TMEM132D: variants seen among roughly 807,000 people sequenced by gnomAD.
The protein encoded by TMEM132D is mature OL transmembrane protein.
A neutral mutation model predicts 62.3 loss-of-function variants in TMEM132D; 21 were observed. That is an observed-to-expected ratio of 0.34 (90% CI 0.24 to 0.49). TMEM132D has a LOEUF of 0.49. Among genes scored for constraint, TMEM132D ranks in the 20% least tolerant of loss-of-function variants. The probability of loss-of-function intolerance (pLI) is 0.99; values close to 1 mark genes in which losing one functional copy is unlikely to be tolerated. For synonymous variants in TMEM132D, 621 were observed against 575.6 expected (o/e 1.08, Z -1.13); for missense variants, 1,346 against 1,402.8 (o/e 0.96, Z 0.65).
rs916965622 is a variant in TMEM132D at position 129,430,783 on chromosome 12, C to A, written c.1116-92966G>T. On this transcript the variant is annotated intron_variant, in intron 3 of 8. Coordinates refer to ENST00000422113, the MANE Select transcript of TMEM132D (RefSeq NM_133448.3). ...CCTGCGCCTCAGACTTCCCCAGTTGCCAATAATTGCAGTCGATGGGATGGA... is the reference window on the plus strand; with the variant it reads ...CCTGCGCCTCAGACTTCCCCAGTTGACAATAATTGCAGTCGATGGGATGGA... 2.0e-5 allele frequency among the ~76,000 whole-genome samples: 3 copies of A among 152,134 alleles called. No homozygotes were observed. The East Asian group carries it at 5.8e-4, about 29-fold the overall frequency.
chr12:129,522,657 C>T (rs1014687900), intron 3 of TMEM132D: 1 of 152,112 alleles, frequency 6.6e-6, no homozygotes, highest in African/African-American at 2.4e-5. Context: ...TCAAAAACAT[C>T]GAAGACTATT....
In TMEM132D at chr12:129,073,806, A is replaced by G; in HGVS notation, c.*69T>C. On this transcript the variant is annotated 3_prime_UTR_variant, in exon 9 of 9. Transcript: ENST00000422113. ...GCTGCTTTGTTTCTCTTCCGGGGGC[A>G]CCGTTGCTACACATCCTGGAATTAA... is the stretch of plus-strand genomic sequence containing the variant. 7.5e-7 allele frequency: 1 copy of G among 1,340,170 alleles called. No individual in the cohort carries two copies. The highest frequency in any genetic ancestry group is 1.4e-5 in the South Asian group (1 of 69,232). The allele number at this position is 1,340,170 out of a possible 1,614,324, so 83.0% of individuals were successfully genotyped here.
intron 4 of TMEM132D, among the ~76,000 whole-genome samples, chr12:129,287,055 A>C (rs917713564): frequency 2.0e-5 from 3 of 151,948 alleles, no homozygotes; most frequent in African/African-American, 7.3e-5. Context: ...CAAAAAAAAA[A>C]AAGGGAGAAA....
At chr12:129,106,210 T>C (rs1415228996) in intron 5 of TMEM132D, among the ~76,000 whole-genome samples, 1 of 145,846 alleles carries the variant, frequency 6.9e-6, no homozygotes, top group Non-Finnish European at 1.5e-5. Flanking sequence ...AGGTGGGAAT[T>C]GAACAATGAG....
chr12:129,842,780 T>C (rs1009574858), intron 1 of TMEM132D, among the ~76,000 whole-genome samples: 2 of 152,162 alleles, frequency 1.3e-5, no homozygotes, highest in African/African-American at 4.8e-5. Flanking sequence ...TGCTGGTGTA[T>C]CTTTAATTTC....
chr12:129,127,472 A>C (rs1876249031), intron 5 of TMEM132D, among the ~76,000 whole-genome samples: 1 of 152,156 alleles, frequency 6.6e-6, no homozygotes, highest in Admixed American at 6.5e-5. Context: ...CCAAGAGCCA[A>C]ATTTTGTTCT....
chr12:129,373,916 G>T (rs190867155), intron 3 of TMEM132D, among the ~76,000 whole-genome samples: 172 of 152,288 alleles, frequency 1.1e-3, no homozygotes, highest in African/African-American at 3.9e-3. Context: ...GGGCAGAAAA[G>T]CTACGTGGTG....
intron 5 of TMEM132D, among the ~76,000 whole-genome samples, chr12:129,190,788 G>C (rs1232025012): frequency 1.3e-5 from 2 of 152,148 alleles, no homozygotes; most frequent in Non-Finnish European, 2.9e-5. Context: ...GTTGTTTTAA[G>C]CCACTAAATT....
At chr12:129,404,678 G>A (rs1871726026) in intron 3 of TMEM132D, among the ~76,000 whole-genome samples, 2 of 152,112 alleles carry the variant, frequency 1.3e-5, no homozygotes, top group Non-Finnish European at 2.9e-5. Context: ...GCAGGGGGCA[G>A]GGGGGTGTAG....
chr12:129,441,974 G>T (rs758050303), intron 3 of TMEM132D, among the ~76,000 whole-genome samples: 3 of 152,158 alleles, frequency 2.0e-5, no homozygotes, highest in Non-Finnish European at 4.4e-5. Flanking sequence ...CGGCCTGGAG[G>T]CTACTAGAAG....
At chr12:129,285,197 T>C (rs1742028047) in intron 4 of TMEM132D, among the ~76,000 whole-genome samples, 1 of 152,064 alleles carries the variant, frequency 6.6e-6, no homozygotes, top group Non-Finnish European at 1.5e-5. Context: ...GAGACCATCA[T>C]GCAGAAGCAA....
At chr12:129,454,014 G>A (rs1416948784) in intron 3 of TMEM132D, among the ~76,000 whole-genome samples, 7 of 152,182 alleles carry the variant, frequency 4.6e-5, no homozygotes, top group Admixed American at 3.9e-4. Flanking sequence ...TGGGTACCAG[G>A]CAGCAACTAC....
intron 4 of TMEM132D, among the ~76,000 whole-genome samples, chr12:129,309,007 C>A (rs1346293657): frequency 2.6e-5 from 4 of 152,186 alleles, no homozygotes; most frequent in African/African-American, 9.6e-5. Flanking sequence ...ACGCCAAACA[C>A]CCTTGGTCTT....
chr12:129,278,114 C>A (rs1881046137), intron 4 of TMEM132D, among the ~76,000 whole-genome samples: 1 of 152,194 alleles, frequency 6.6e-6, no homozygotes, highest in Non-Finnish European at 1.5e-5. Flanking sequence ...CACTCCTTTA[C>A]ATAAGCCCCA....
intron 3 of TMEM132D, among the ~76,000 whole-genome samples, chr12:129,410,532 G>T (rs894968924): frequency 6.6e-6 from 1 of 151,468 alleles, no homozygotes. Flanking sequence ...GCTAATTTTT[G>T]TATTTTTAGT....
At chr12:129,223,121 G>A (rs1426640775) in intron 4 of TMEM132D, among the ~76,000 whole-genome samples, 3 of 151,990 alleles carry the variant, frequency 2.0e-5, no homozygotes, top group Non-Finnish European at 4.4e-5. Flanking sequence ...CAGATTCTTC[G>A]ACATTCCTGC....
At chr12:129,295,533 C>T (rs1306009844) in intron 4 of TMEM132D, among the ~76,000 whole-genome samples, 7 of 149,426 alleles carry the variant, frequency 4.7e-5, no homozygotes, top group South Asian at 4.3e-4. Flanking sequence ...CGGGTTCAAG[C>T]GATTCTCCTG....
chr12:129,085,546 A>C (rs1004518720), intron 5 of TMEM132D: 10 of 152,346 alleles, frequency 6.6e-5, no homozygotes, highest in African/African-American at 1.9e-4. Context: ...TCCCCAAATA[A>C]AGCACCTGTT....
At chr12:129,576,971 C>A (rs1448951036) in intron 2 of TMEM132D, among the ~76,000 whole-genome samples, 1 of 151,864 alleles carries the variant, frequency 6.6e-6, no homozygotes, top group African/African-American at 2.4e-5. Flanking sequence ...GCAACCATGG[C>A]TGCAGACCTC....
Sources: allele counts gnomAD v4.1 joint callset (sites outside exome capture counted in the v4.1 genomes callset), GRCh38; gene constraint gnomAD v4.1.1; transcripts MANE v1.5; gene names NCBI Gene and HGNC (gene_info 2026-07-23, HGNC 2026-07-21).